MLXIPL: variants seen among roughly 807,000 people sequenced by gnomAD.
MLXIPL encodes the protein carbohydrate-responsive element-binding protein.
A neutral mutation model predicts 81.5 loss-of-function variants in MLXIPL; 49 were observed. The ratio of observed to expected loss-of-function variants is 0.60; its 90% CI spans 0.48 to 0.76. The LOEUF (loss-of-function observed/expected upper bound fraction) is 0.76, where lower values mean the gene tolerates loss of function less well. MLXIPL is among the 30% of genes least tolerant of loss of function. The pLI is 0.00. For synonymous variants in MLXIPL, 466 were observed against 485.5 expected, an observed-to-expected ratio of 0.96 and a Z score of 0.53; for missense variants, 1,053 against 1,167.0, an observed-to-expected ratio of 0.90 and a Z score of 1.42.
At position 73,593,859 on chromosome 7, in the gene MLXIPL, C is replaced by T. The variant is rs782360954; in HGVS notation, c.*6G>A. ...CAGCTGAGTGAGCAGCAGGGTCTGGCCAGGACTATAAAGGTTTGCCAAGGG... is the reference window on the plus strand; with the variant it reads ...CAGCTGAGTGAGCAGCAGGGTCTGGTCAGGACTATAAAGGTTTGCCAAGGG... On this transcript the variant is annotated 3_prime_UTR_variant, in exon 17 of 17. Transcript: ENST00000313375. 9 of 1,611,506 alleles carry T rather than the reference C, an allele frequency of 5.6e-6. No homozygotes were observed. The East Asian group carries it at 1.1e-4, about 20-fold the overall frequency.
chr7:73,636,181 G>A, the MLXIPL span, among the ~76,000 whole-genome samples: 3 of 152,152 alleles, frequency 2.0e-5, no homozygotes, highest in Non-Finnish European at 4.4e-5. Context: ...AGGCCAAAGT[G>A]GGAGGATCAC....
At chr7:73,608,869 C>T (rs1795499916) in intron 2 of MLXIPL, among the ~76,000 whole-genome samples, 1 of 152,178 alleles carries the variant, frequency 6.6e-6, no homozygotes, top group Non-Finnish European at 1.5e-5. Context: ...CTCTGTTGCC[C>T]AGGCCAGAGT....
At chr7:73,645,499 T>C in the MLXIPL span, among the ~76,000 whole-genome samples, 1 of 130,604 alleles carries the variant, frequency 7.7e-6, no homozygotes, top group Non-Finnish European at 1.6e-5. Context: ...GAAAGATGGG[T>C]GGGGAGGGGG....
Position 73,593,863 on chromosome 7 carries a change from G to C in MLXIPL, c.*2C>G, listed in dbSNP as rs781926209. 6.2e-7 allele frequency: 1 copy of C among 1,612,188 alleles called. No homozygotes were observed. Among genetic ancestry groups the C allele is most frequent in the Admixed American group, 1.7e-5 (1 of 59,998 alleles). On this transcript the variant is annotated 3_prime_UTR_variant, in exon 17 of 17. Coordinates refer to ENST00000313375, the MANE Select transcript of MLXIPL (RefSeq NM_032951.3). Reference sequence around the variant, plus strand: ...TGAGTGAGCAGCAGGGTCTGGCCAGGACTATAAAGGTTTGCCAAGGGTGCC... The same window carrying C: ...TGAGTGAGCAGCAGGGTCTGGCCAGCACTATAAAGGTTTGCCAAGGGTGCC...
chr7:73,594,052 C>T, intron 16 of MLXIPL, 69 bp from the exon 17 acceptor site: 2 of 1,453,294 alleles, frequency 1.4e-6, no homozygotes, highest in Non-Finnish European at 1.9e-6. Flanking sequence ...GGATGTGGAA[C>T]CAAAGGGATA....
rs116171892 is a variant in MLXIPL, at chr7:73,596,959, A to G, written c.1604-27T>C. On this transcript the variant is annotated intron_variant, in intron 9 of 16. Coordinates refer to ENST00000313375, the MANE Select transcript of MLXIPL (RefSeq NM_032951.3). This position sits in a 1 kb window ranked among gnomAD's most constrained non-coding sequence, Gnocchi z 4.7. ...TGTGCACGGGCAGAACCGTGAGGCTACTGGGGCTGGCCCACCCCCGGCATC... is the reference window on the plus strand; with the variant it reads ...TGTGCACGGGCAGAACCGTGAGGCTGCTGGGGCTGGCCCACCCCCGGCATC... 8,883 of 1,598,936 alleles carry G rather than the reference A, an allele frequency of 5.6e-3. 436 individuals carry two copies. In the African/African-American group the frequency reaches 0.1, roughly 19 times the overall value.
At chr7:73,644,185 A>C in the MLXIPL span, among the ~76,000 whole-genome samples, 1 of 150,540 alleles carries the variant, frequency 6.6e-6, no homozygotes, top group African/African-American at 2.4e-5. Context: ...GATGTGAGCC[A>C]CTGCACCTGG....
At chr7:73,624,600 T>G, upstream of MLXIPL, 3 of 1,392,118 alleles carry the variant, frequency 2.2e-6, no homozygotes, top group Non-Finnish European at 2.8e-6. Flanking sequence ...CATAGGCCGA[T>G]CGGGTGGGCG....
At chr7:73,617,616 G>A (rs550139497) in intron 1 of MLXIPL, among the ~76,000 whole-genome samples, 1 of 152,092 alleles carries the variant, frequency 6.6e-6, no homozygotes, top group Non-Finnish European at 1.5e-5. Context: ...AGGCCAAGGC[G>A]GGAGGATCGC....
At chr7:73,639,504 T>C in the MLXIPL span, among the ~76,000 whole-genome samples, 1 of 152,062 alleles carries the variant, frequency 6.6e-6, no homozygotes, top group Non-Finnish European at 1.5e-5. Context: ...GATAGCTGGA[T>C]GTGGTGGCTT....
Position 73,595,509 on chromosome 7 carries a change from A to T in MLXIPL, c.2310+128T>A. The T allele has an allele frequency of 6.3e-6, 10 of 1,597,954 alleles. No individual in the cohort carries two copies. The South Asian group carries it at 1.1e-4, about 18-fold the overall frequency. The stretch of plus-strand genomic sequence containing the variant: ...GCATGGAAGCAGGGGGCAGAGCCAG[A>T]GCCTGTCACCTGGGAGCAGCTCTGA... On this transcript the variant is annotated intron_variant, in intron 15 of 16. Coordinates refer to ENST00000313375, the MANE Select transcript of MLXIPL (RefSeq NM_032951.3).
At chr7:73,607,244 C>T in intron 4 of MLXIPL, 87 bp downstream of exon 4, 1 of 1,402,060 alleles carries the variant, frequency 7.1e-7, no homozygotes, top group South Asian at 1.3e-5. Flanking sequence ...GGGTCAGGAT[C>T]CCCTTTCCAG....
chr7:73,634,150 G>A, the MLXIPL span, among the ~76,000 whole-genome samples: 1 of 152,094 alleles, frequency 6.6e-6, no homozygotes, highest in Non-Finnish European at 1.5e-5. Flanking sequence ...AACCATGAAC[G>A]AAAATTGGAT....
intron 8 of MLXIPL, among the ~76,000 whole-genome samples, chr7:73,599,102 A>G (rs558383191): frequency 6.6e-6 from 1 of 151,472 alleles, no homozygotes; most frequent in African/African-American, 2.4e-5. Flanking sequence ...CATATGGGGA[A>G]TTGATGAACC....
intron 7 of MLXIPL, 67 bp downstream of exon 7, chr7:73,605,621 T>G: frequency 6.9e-7 from 1 of 1,453,930 alleles, no homozygotes; most frequent in Non-Finnish European, 9.6e-7. Context: ...GGGCCTGGGA[T>G]GGGCTCATCG....
In MLXIPL at chr7:73,596,267, C is replaced by A; in HGVS notation, c.1944G>T (p.Glu648Asp). ...SRGRPDSNKT[E>D]NRRITHISAE... ...CGGAGATGTGTGTGATACGCCGGTT[C>A]TCGGTCTCGGGGAGCAGAGAGTTGG... The change falls in exon 13 of 17, where the codon GAG (glutamate) becomes GAT (aspartate). Residue 648 changes from glutamate to aspartate, a missense_variant. By Grantham distance (45) the Glu-to-Asp change is conservative. This residue lies in a region of MLXIPL where 823 missense variants were observed against 933.0 expected (regional missense o/e 0.88). Transcript: ENST00000313375. This position sits in a 1 kb window ranked among gnomAD's most constrained non-coding sequence, Gnocchi z 4.7. 6.2e-7 allele frequency: 1 copy of A among 1,612,760 alleles called. No homozygotes were observed. Among genetic ancestry groups the A allele is most frequent in the South Asian group, 1.1e-5 (1 of 91,044 alleles).
At chr7:73,631,938 C>T in the MLXIPL span, among the ~76,000 whole-genome samples, 29 of 137,190 alleles carry the variant, frequency 2.1e-4, no homozygotes, top group African/African-American at 7.7e-4. Flanking sequence ...CTCCCCTCCT[C>T]TTCTTTTCTC....
intron 7 of MLXIPL, among the ~76,000 whole-genome samples, chr7:73,604,531 C>A (rs1345685827): frequency 2.6e-5 from 4 of 151,922 alleles, no homozygotes; most frequent in African/African-American, 9.7e-5. Flanking sequence ...TGTGATTGTG[C>A]CACTGTACTC....
chr7:73,620,845 G>A (rs1437811789), intron 1 of MLXIPL, among the ~76,000 whole-genome samples: 1 of 151,928 alleles, frequency 6.6e-6, no homozygotes, highest in Non-Finnish European at 1.5e-5. Flanking sequence ...GAGGTCAGGG[G>A]TTCGAGACCA....
Sources: gnomAD v4.1 joint callset for allele counts (sites outside exome capture counted in the v4.1 genomes callset) on GRCh38, gnomAD v4.1.1 for gene constraint, gnomAD v4.1.1 regional missense constraint, Gnocchi (gnomAD v3.1) non-coding constraint, MANE v1.5 for transcripts, NCBI Gene and HGNC (gene_info 2026-07-23, HGNC 2026-07-21) for gene names.